The following WNT5B variants were observed in gnomAD, a reference collection of about 807,000 sequenced individuals.
WNT5B encodes the protein protein Wnt-5b.
A neutral mutation model predicts 36.5 loss-of-function variants in WNT5B; 18 were observed. That is an observed-to-expected ratio of 0.49 (90% CI 0.34 to 0.73). WNT5B has a LOEUF of 0.73. Ranked by LOEUF, WNT5B falls within the 30% of genes least tolerant of loss-of-function variation. WNT5B has a pLI of 0.01. For synonymous variants in WNT5B, 213 were observed against 212.3 expected (o/e 1.00, Z -0.03); for missense variants, 424 against 508.4 (o/e 0.83, Z 1.60).
chr12:1,646,159 GC>G lies in WNT5B; in HGVS notation c.988del (p.Gln330ArgfsTer54), dbSNP rs750923586. On this transcript the variant is annotated frameshift_variant, in exon 5 of 5. Transcript: ENST00000397196. LOFTEE classifies it high-confidence loss of function. The part of the protein sequence containing the change: ...GRGYNQFKSV[Q>X]VERCHCKFHW... ...GTGGCTACAACCAGTTCAAGAGCGT[GC>G]AGGTGGAGCGCTGCCACTGCAAGTT... The G allele has an allele frequency of 4.3e-6, 7 of 1,613,662 alleles. No homozygotes were observed. The African/African-American group carries it at 8.0e-5, about 18-fold the overall frequency.
chr12:1,628,921 G>C (rs1019505052), upstream of WNT5B, among the ~76,000 whole-genome samples: 1 of 148,112 alleles, frequency 6.8e-6, no homozygotes, highest in Non-Finnish European at 1.5e-5. Context: ...TGTGTGTGTT[G>C]TGTGTGTGTG....
At chr12:1,623,440 C>G (rs1269057249) in intron 1 of WNT5B, among the ~76,000 whole-genome samples, 4 of 151,920 alleles carry the variant, frequency 2.6e-5, no homozygotes, top group Non-Finnish European at 5.9e-5. Context: ...CGTGATCCGC[C>G]CGCCTCGGCC....
upstream of WNT5B, among the ~76,000 whole-genome samples, chr12:1,624,765 CT>C (rs767457927): frequency 2.3e-4 from 35 of 152,100 alleles, no homozygotes; most frequent in Non-Finnish European, 5.1e-4. Context: ...AAGTTTGAAC[CT>C]TTAGGAAGCA....
upstream of WNT5B, among the ~76,000 whole-genome samples, chr12:1,626,508 C>G (rs1415788965): frequency 6.6e-6 from 1 of 151,918 alleles, no homozygotes; most frequent in Admixed American, 6.6e-5. Context: ...GGTAATCCAC[C>G]TGCCTCGGCC....
chr12:1,620,701 G>A (rs1172107116), intron 1 of WNT5B, among the ~76,000 whole-genome samples: 10 of 104,876 alleles, frequency 9.5e-5, no homozygotes, highest in Non-Finnish European at 2.0e-4. Flanking sequence ...ACCACACCCA[G>A]CAAATTTTTT....
upstream of WNT5B, among the ~76,000 whole-genome samples, chr12:1,627,116 G>A (rs1033758587): frequency 6.6e-6 from 1 of 152,218 alleles, no homozygotes; most frequent in Non-Finnish European, 1.5e-5. The surrounding 1 kb of genome is among the most constrained non-coding windows in gnomAD (Gnocchi z 5.0). Context: ...GCTAAAACAT[G>A]CAAGAAGCTA....
intron 1 of WNT5B, among the ~76,000 whole-genome samples, chr12:1,620,704 AAT>A (rs1491260950): frequency 0.057 from 6,807 of 120,244 alleles, 266 homozygotes; most frequent in Non-Finnish European, 0.071. Context: ...ACACCCAGCA[AAT>A]TTTTTTTTTT....
intron 4 of WNT5B, among the ~76,000 whole-genome samples, chr12:1,643,862 T>G (rs937479842): frequency 1.3e-5 from 2 of 151,828 alleles, no homozygotes; most frequent in Non-Finnish European, 2.9e-5. Context: ...AAATTGCAGA[T>G]ATTCCTATCT....
upstream of WNT5B, among the ~76,000 whole-genome samples, chr12:1,625,408 A>T (rs1283535750): frequency 2.6e-5 from 4 of 152,096 alleles, no homozygotes. Context: ...AGGTCCATAA[A>T]CAGTCTTTCT....
At chr12:1,640,996 T>A (rs1487841452) in intron 4 of WNT5B, among the ~76,000 whole-genome samples, 1 of 152,208 alleles carries the variant, frequency 6.6e-6, no homozygotes. Context: ...AGCACGGACT[T>A]CTTTCTTGGA....
rs764014186 is a variant in WNT5B, at chr12:1,639,728, G to A, written c.373G>A (p.Val125Met). 2 of 1,597,492 alleles carry A rather than the reference G, an allele frequency of 1.3e-6. No homozygotes were observed. Among genetic ancestry groups the A allele is most frequent in the Admixed American group, 3.5e-5 (2 of 57,712 alleles). ...CACCCACGCGGTGAGCGCCGCGGGC[G>A]TGGTCAACGCCATCAGCCGGGCCTG... ...AFTHAVSAAG[V>M]VNAISRACRE... Residue 125 changes from valine to methionine, a missense_variant, in exon 4 of 5, where the codon GTG becomes ATG. Physicochemically the swap from Val to Met is conservative, Grantham distance 21. Coordinates refer to ENST00000397196, the MANE Select transcript of WNT5B (RefSeq NM_032642.3).
At chr12:1,628,318 G>C (rs1226301852), upstream of WNT5B, among the ~76,000 whole-genome samples, 1 of 152,100 alleles carries the variant, frequency 6.6e-6, no homozygotes, top group African/African-American at 2.4e-5. Context: ...ACCACATCTG[G>C]CTAATTTTTA....
chr12:1,630,754 T>G lies in WNT5B; in HGVS notation c.-57-544T>G, dbSNP rs575301232. ...AGGGGTTGGGACTTAGGAAACCCGC[T>G]GAGGGTGAGAAGGGCGCAGATGGAG... On this transcript the variant is annotated intron_variant, in intron 1 of 4. Transcript: ENST00000397196. The surrounding 1 kb of genome is among the most constrained non-coding windows in gnomAD (Gnocchi z 5.3). 1.3e-4 allele frequency: 20 copies of G among 152,664 alleles called. No individual in the cohort carries two copies. Among genetic ancestry groups the G allele is most frequent in the African/African-American group, 4.6e-4 (19 of 41,574 alleles). The allele number at this position is 152,664 out of a possible 1,614,324, so 9.5% of individuals were successfully genotyped here. A position where few individuals can be genotyped will look rare whatever the true frequency, so the allele number is the denominator to read the frequency against.
At chr12:1,643,769 C>CTA (rs35447664) in intron 4 of WNT5B, among the ~76,000 whole-genome samples, 42 of 138,862 alleles carry the variant, frequency 3.0e-4, no homozygotes, top group South Asian at 1.2e-3. Flanking sequence ...CAAAAGGAGC[C>CTA]TATATATATA....
In WNT5B at chr12:1,630,053, T is replaced by C; in HGVS notation, c.-58+682T>C. The C allele has an allele frequency of 1.1e-6, 1 of 897,982 alleles. No individual in the cohort carries two copies. The highest frequency in any genetic ancestry group is 1.3e-6 in the Non-Finnish European group (1 of 750,022). 55.6% of individuals were successfully genotyped at this position (897,982 alleles called of 1,614,324 possible). A position where few individuals can be genotyped will look rare whatever the true frequency, so the allele number is the denominator to read the frequency against. On this transcript the variant is annotated intron_variant, in intron 1 of 4. Coordinates refer to ENST00000397196, the MANE Select transcript of WNT5B (RefSeq NM_032642.3). This position sits in a 1 kb window ranked among gnomAD's most constrained non-coding sequence, Gnocchi z 5.3. ...AAAGGGGGCTTGGGGAAGGGCTGTG[T>C]CCCAGCTCTCCTGGACCCTGCTCGG...
chr12:1,631,879 C>G (rs2094551600), intron 2 of WNT5B, among the ~76,000 whole-genome samples: 1 of 152,180 alleles, frequency 6.6e-6, no homozygotes, highest in Non-Finnish European at 1.5e-5. Flanking sequence ...GTTTTAAGGG[C>G]TGTTGTCATT....
rs2094555610 is a variant in WNT5B at position 1,633,857 on chromosome 12, G to A, written c.328+952G>A. Among the ~76,000 whole-genome samples the A allele has an allele frequency of 6.6e-6, 1 of 151,528 alleles. No individual in the cohort carries two copies. The highest frequency in any genetic ancestry group is 1.5e-5 in the Non-Finnish European group (1 of 67,852). ...CTCTCTTAGGGAGGATACTTGGAAG[G>A]CTCCTTCCCCCTCCCACTTATTCCA... On this transcript the variant is annotated intron_variant, in intron 3 of 4. Coordinates refer to ENST00000397196, the MANE Select transcript of WNT5B (RefSeq NM_032642.3). The surrounding 1 kb of genome is among the most constrained non-coding windows in gnomAD (Gnocchi z 4.8).
At chr12:1,639,640 G>GA (rs2094570193) in intron 3 of WNT5B, 44 bp from the exon 4 acceptor site, 1 of 1,452,458 alleles carries the variant, frequency 6.9e-7, no homozygotes, top group Non-Finnish European at 9.0e-7. Flanking sequence ...AGGTCCCCGG[G>GA]AGAGGAGAGC....
upstream of WNT5B, among the ~76,000 whole-genome samples, chr12:1,626,455 G>A (rs1322825652): frequency 6.6e-6 from 1 of 151,730 alleles, no homozygotes; most frequent in African/African-American, 2.4e-5. Context: ...TAGAGACAGG[G>A]TTTCTCCATG....
Sources: allele counts gnomAD v4.1 joint callset (sites outside exome capture counted in the v4.1 genomes callset), GRCh38; gene constraint gnomAD v4.1.1; non-coding constraint Gnocchi (gnomAD v3.1); transcripts MANE v1.5; gene names NCBI Gene and HGNC (gene_info 2026-07-23, HGNC 2026-07-21).